Variants in WNT7A observed in about 807,000 individuals in gnomAD.
The protein encoded by WNT7A is Wnt family member 7A.
A neutral mutation model predicts 28.2 loss-of-function variants in WNT7A; 16 were observed. That is an observed-to-expected ratio of 0.57 (90% CI 0.38 to 0.86). The LOEUF (loss-of-function observed/expected upper bound fraction) is 0.86, where lower values mean the gene tolerates loss of function less well. Among genes scored for constraint, WNT7A ranks in the 40% least tolerant of loss-of-function variants. WNT7A has a pLI of 0.00. For missense variants in WNT7A, 411 were observed against 489.7 expected (o/e 0.84, Z 1.52); for synonymous variants, 190 against 195.9 (o/e 0.97, Z 0.25).
intron 2 of WNT7A, among the ~76,000 whole-genome samples, chr3:13,855,945 C>T (rs988234384): frequency 3.0e-4 from 45 of 152,306 alleles, no homozygotes; most frequent in African/African-American, 8.7e-4. Flanking sequence ...AAGTTGCTTC[C>T]AGCCTCAGGT....
chr3:13,858,478 G>T (rs1364889595), intron 2 of WNT7A, among the ~76,000 whole-genome samples: 1 of 152,164 alleles, frequency 6.6e-6, no homozygotes, highest in African/African-American at 2.4e-5. Flanking sequence ...GGTGAGAAAT[G>T]GACAGCTAAC....
chr3:13,837,081 C>G (rs114827148), intron 3 of WNT7A, among the ~76,000 whole-genome samples: 1 of 152,074 alleles, frequency 6.6e-6, no homozygotes. Flanking sequence ...GGGCAGTTAC[C>G]GGAGGCCAAG....
chr3:13,820,493 G>A (rs938495837), intron 3 of WNT7A, among the ~76,000 whole-genome samples: 5 of 151,896 alleles, frequency 3.3e-5, no homozygotes, highest in Admixed American at 1.3e-4. Flanking sequence ...GCTGAGGGGC[G>A]AACTGAGTGC....
rs1694023529 is a variant in WNT7A at position 13,817,445 on chromosome 3, CA to C, written c.*1498del. On this transcript the variant is annotated 3_prime_UTR_variant, in exon 4 of 4. Coordinates refer to ENST00000285018, the MANE Select transcript of WNT7A (RefSeq NM_004625.4). ...CAGTACACACACACACACACACACA[CA>C]CACACACACACACACACACACACAC... The C allele has an allele frequency of 1.9e-5, 2 of 106,912 alleles. No homozygotes were observed. Among genetic ancestry groups the C allele is most frequent in the African/African-American group, 3.5e-5 (1 of 28,660 alleles). 6.6% of individuals were successfully genotyped at this position (106,912 alleles called of 1,614,324 possible).
At position 13,817,914 on chromosome 3, in the gene WNT7A, T is replaced by C. The variant is rs1694034563; in HGVS notation, c.*1030A>G. 1 of 152,132 alleles carries C rather than the reference T, an allele frequency of 6.6e-6. No individual in the cohort carries two copies. Among genetic ancestry groups the C allele is most frequent in the Non-Finnish European group, 1.5e-5 (1 of 68,044 alleles). 9.4% of individuals were successfully genotyped at this position (152,132 alleles called of 1,614,324 possible). On this transcript the variant is annotated 3_prime_UTR_variant, in exon 4 of 4. Transcript: ENST00000285018. ...GATTTGATTTCTTTCCCGGCTAACATGGATGAGATGATGCCTCAACCCCAG... is the reference window on the plus strand; with the variant it reads ...GATTTGATTTCTTTCCCGGCTAACACGGATGAGATGATGCCTCAACCCCAG...
chr3:13,843,613 T>A (rs1281903743), intron 3 of WNT7A, among the ~76,000 whole-genome samples: 1 of 151,634 alleles, frequency 6.6e-6, no homozygotes, highest in Admixed American at 6.6e-5. Flanking sequence ...GAGCCTCAGC[T>A]GCCTCACCTG....
chr3:13,850,613 C>G (rs187535144), intron 3 of WNT7A, among the ~76,000 whole-genome samples: 13 of 152,220 alleles, frequency 8.5e-5, no homozygotes, highest in African/African-American at 2.9e-4. Flanking sequence ...AGCTGGGCCC[C>G]CATCCCCAGG....
chr3:13,856,951 A>AAGAAGAAGAAGG (rs1694750624), intron 2 of WNT7A, among the ~76,000 whole-genome samples: 2 of 101,536 alleles, frequency 2.0e-5, no homozygotes, highest in Admixed American at 1.0e-4. Flanking sequence ...GAAGAAGAAG[A>AAGAAGAAGAAGG]AGAAGAAGAA....
intron 3 of WNT7A, among the ~76,000 whole-genome samples, chr3:13,838,841 C>T (rs1392931903): frequency 1.3e-5 from 2 of 152,206 alleles, no homozygotes. Flanking sequence ...TTTAGATCTG[C>T]ATCCTCCAAA....
chr3:13,857,894 T>C lies in WNT7A; in HGVS notation c.299-3091A>G, dbSNP rs924652668. On this transcript the variant is annotated intron_variant, in intron 2 of 3. Transcript: ENST00000285018. The stretch of plus-strand genomic sequence containing the variant: ...GTTCCCCCATTGTAAAATGTGATGA[T>C]AAAAATTAACAATGGTAGAGCACTT... Among the ~76,000 whole-genome samples, 7 of 152,260 alleles carry C rather than the reference T, an allele frequency of 4.6e-5. No homozygotes were observed. The South Asian group carries it at 1.2e-3, about 27-fold the overall frequency.
At chr3:13,877,592 A>G (rs1444496831) in intron 1 of WNT7A, among the ~76,000 whole-genome samples, 4 of 152,214 alleles carry the variant, frequency 2.6e-5, no homozygotes, top group African/African-American at 9.6e-5. Flanking sequence ...CTAGGTTCTC[A>G]TCCAAGCTTC....
At chr3:13,847,980 A>G (rs1008717527) in intron 3 of WNT7A, among the ~76,000 whole-genome samples, 8 of 152,220 alleles carry the variant, frequency 5.3e-5, no homozygotes, top group Non-Finnish European at 1.0e-4. Context: ...TGCCAAGTAT[A>G]TTTTATCACA....
At chr3:13,868,592 GA>G (rs1694953107) in intron 2 of WNT7A, among the ~76,000 whole-genome samples, 1 of 16,918 alleles carries the variant, frequency 5.9e-5, no homozygotes, top group African/African-American at 3.3e-4. Flanking sequence ...GAGAGAGAGG[GA>G]GAAAGAAAGA....
chr3:13,876,092 C>A (rs975992579), intron 1 of WNT7A: 1 of 152,386 alleles, frequency 6.6e-6, no homozygotes, highest in Non-Finnish European at 1.5e-5. Flanking sequence ...GTGAGGGCCA[C>A]TTTAGCTGAG....
chr3:13,832,919 C>T (rs1694304765), intron 3 of WNT7A, among the ~76,000 whole-genome samples: 1 of 152,130 alleles, frequency 6.6e-6, no homozygotes, highest in Non-Finnish European at 1.5e-5. Flanking sequence ...TGCTTAGATG[C>T]TGTCTATGGC....
At chr3:13,862,209 C>A (rs1486863311) in intron 2 of WNT7A, among the ~76,000 whole-genome samples, 1 of 152,208 alleles carries the variant, frequency 6.6e-6, no homozygotes, top group African/African-American at 2.4e-5. Flanking sequence ...GGATAAAGAA[C>A]GATACATATT....
chr3:13,879,315 G>T (rs534516073), intron 1 of WNT7A, among the ~76,000 whole-genome samples: 1 of 152,328 alleles, frequency 6.6e-6, no homozygotes, highest in Admixed American at 6.5e-5. Flanking sequence ...GCTGTGCCGC[G>T]CCTCCTGAGA....
intron 3 of WNT7A, 49 bp downstream of exon 3, chr3:13,854,483 T>C (rs1694693195): frequency 1.3e-5 from 21 of 1,612,588 alleles, no homozygotes; most frequent in Non-Finnish European, 1.8e-5. Context: ...ACAAGCCATT[T>C]TGCAGCATCT....
At chr3:13,840,587 G>C (rs1281934081) in intron 3 of WNT7A, among the ~76,000 whole-genome samples, 1 of 141,580 alleles carries the variant, frequency 7.1e-6, no homozygotes, top group Non-Finnish European at 1.5e-5. Flanking sequence ...CTTCCAAATA[G>C]CTATTCATTC....
Sources: gnomAD v4.1 joint callset for allele counts (sites outside exome capture counted in the v4.1 genomes callset) on GRCh38, gnomAD v4.1.1 for gene constraint, MANE v1.5 for transcripts, NCBI Gene and HGNC (gene_info 2026-07-23, HGNC 2026-07-21) for gene names.